The following AGBL4 variants were observed in gnomAD, a reference collection of about 807,000 sequenced individuals.
AGBL4 encodes AGBL carboxypeptidase 4, also known as cytosolic carboxypeptidase 6.
In AGBL4, 58 loss-of-function variants were observed where a neutral mutation model predicts 66.4. The observed-to-expected ratio is 0.87, with a 90% confidence interval of 0.71 to 1.09. The LOEUF is 1.09. Ranked by LOEUF, AGBL4 falls within the 50% of genes least tolerant of loss-of-function variation. AGBL4 has a pLI of 0.00. For synonymous variants in AGBL4, 234 were observed against 222.9 expected, an observed-to-expected ratio of 1.05 and a Z score of -0.44; for missense variants, 579 against 631.0, an observed-to-expected ratio of 0.92 and a Z score of 0.88.
At chr1:49,559,764 C>T (rs1278151739) in intron 3 of AGBL4, among the ~76,000 whole-genome samples, 1 of 152,264 alleles carries the variant, frequency 6.6e-6, no homozygotes, top group African/African-American at 2.4e-5. Context: ...GAAGGCTACA[C>T]TGTTGGCTTC....
intron 2 of AGBL4, chr1:49,844,930 G>A: frequency 7.3e-7 from 1 of 1,360,908 alleles, no homozygotes; most frequent in South Asian, 1.2e-5. Context: ...GAATGGGTTT[G>A]GGGAAAACAG....
chr1:48,631,431 C>A (rs2148410632), intron 9 of AGBL4, among the ~76,000 whole-genome samples: 1 of 152,322 alleles, frequency 6.6e-6, no homozygotes, highest in South Asian at 2.1e-4. Flanking sequence ...TGATCTGTCA[C>A]TCAGGCTGGA....
chr1:48,958,353 C>T (rs191042161), intron 5 of AGBL4, among the ~76,000 whole-genome samples: 1 of 152,332 alleles, frequency 6.6e-6, no homozygotes, highest in Admixed American at 6.5e-5. Context: ...CTTATTCTCT[C>T]TTCTGCCACC....
intron 6 of AGBL4, among the ~76,000 whole-genome samples, chr1:48,775,462 A>C: frequency 6.6e-6 from 1 of 152,210 alleles, no homozygotes; most frequent in East Asian, 1.9e-4. Context: ...TCAAAATTAC[A>C]AAACATCTTC....
intron 3 of AGBL4, among the ~76,000 whole-genome samples, chr1:49,330,337 A>T (rs1213690006): frequency 6.6e-6 from 1 of 152,188 alleles, no homozygotes; most frequent in African/African-American, 2.4e-5. Context: ...GAACTGCTTG[A>T]ACCTGGGAGG....
chr1:49,192,447 C>G (rs560592557), intron 4 of AGBL4, among the ~76,000 whole-genome samples: 1 of 152,098 alleles, frequency 6.6e-6, no homozygotes, highest in Non-Finnish European at 1.5e-5. Flanking sequence ...TATAGGCACA[C>G]GCCACCACAC....
At chr1:49,325,869 G>A (rs1000694205) in intron 3 of AGBL4, among the ~76,000 whole-genome samples, 8 of 152,112 alleles carry the variant, frequency 5.3e-5, no homozygotes, top group South Asian at 2.1e-4. Flanking sequence ...CATGTAGGAC[G>A]TCCCTTCTCT....
intron 3 of AGBL4, among the ~76,000 whole-genome samples, chr1:49,327,729 A>G (rs1335551102): frequency 1.3e-5 from 2 of 152,252 alleles, no homozygotes; most frequent in African/African-American, 4.8e-5. Context: ...CCTAAAGGCC[A>G]CATCTCTTAA....
chr1:48,801,335 C>G (rs183425663), intron 6 of AGBL4, among the ~76,000 whole-genome samples: 2 of 152,298 alleles, frequency 1.3e-5, no homozygotes, highest in East Asian at 3.9e-4. Flanking sequence ...GTATCTACAG[C>G]CATTCCCATT....
At position 49,948,442 on chromosome 1, in the gene AGBL4, T is replaced by C. The variant is rs190150503; in HGVS notation, c.34+75321A>G. Among the ~76,000 whole-genome samples the C allele has an allele frequency of 2.6e-5, 3 of 113,694 alleles. 1 individual carries two copies. Among genetic ancestry groups the C allele is most frequent in the African/African-American group, 1.0e-4 (3 of 28,686 alleles). The allele number at this position is 113,694 out of a possible 152,430, so 74.6% of individuals were successfully genotyped here. A position where few individuals can be genotyped will look rare whatever the true frequency, so the allele number is the denominator to read the frequency against. On this transcript the variant is annotated intron_variant, in intron 1 of 13. Coordinates refer to ENST00000371839, the MANE Select transcript of AGBL4 (RefSeq NM_032785.4). ...AAATATAGATAAATATATAAATATA[T>C]ATAAATATATAAATATAGATAAATA...
At chr1:49,179,015 T>C (rs747819923) in intron 4 of AGBL4, among the ~76,000 whole-genome samples, 9 of 152,148 alleles carry the variant, frequency 5.9e-5, no homozygotes, top group Non-Finnish European at 1.3e-4. Flanking sequence ...ATAAAGACTA[T>C]CCAGTCATCT....
At chr1:48,581,103 T>G (rs1338230467) in intron 11 of AGBL4, among the ~76,000 whole-genome samples, 1 of 152,192 alleles carries the variant, frequency 6.6e-6, no homozygotes, top group Non-Finnish European at 1.5e-5. Context: ...TCTTTACCTT[T>G]CTCCCTCCCC....
At chr1:49,009,941 T>C (rs1468577182) in intron 5 of AGBL4, among the ~76,000 whole-genome samples, 1 of 151,662 alleles carries the variant, frequency 6.6e-6, no homozygotes, top group Non-Finnish European at 1.5e-5. Context: ...GGGCAAAAAC[T>C]GGAAGCATTC....
intron 1 of AGBL4, among the ~76,000 whole-genome samples, chr1:49,858,791 A>G (rs1646495093): frequency 6.6e-6 from 1 of 152,128 alleles, no homozygotes; most frequent in Non-Finnish European, 1.5e-5. Context: ...CTGAGGCGGC[A>G]GATCACCTGA....
intron 5 of AGBL4, among the ~76,000 whole-genome samples, chr1:49,042,071 T>C (rs1438251595): frequency 6.6e-6 from 1 of 152,134 alleles, no homozygotes; most frequent in Non-Finnish European, 1.5e-5. Flanking sequence ...TTTTAAAGTA[T>C]CAGAGCTATT....
intron 3 of AGBL4, among the ~76,000 whole-genome samples, chr1:49,504,331 G>T (rs1648481918): frequency 6.6e-6 from 1 of 152,076 alleles, no homozygotes; most frequent in South Asian, 2.1e-4. Context: ...AGTCTCAGAG[G>T]TATTTCTCCA....
chr1:49,529,484 GC>G (rs1650926692), intron 3 of AGBL4, among the ~76,000 whole-genome samples: 1 of 151,972 alleles, frequency 6.6e-6, no homozygotes, highest in Non-Finnish European at 1.5e-5. Context: ...TTCAAGACAA[GC>G]CTGGCCAACA....
At chr1:49,739,161 C>T (rs893966851) in intron 2 of AGBL4, among the ~76,000 whole-genome samples, 6 of 151,998 alleles carry the variant, frequency 3.9e-5, no homozygotes, top group Non-Finnish European at 8.8e-5. Flanking sequence ...CCTTGAAAAA[C>T]GATGAGAAGA....
chr1:49,047,516 CCTT>C (rs750430987), intron 4 of AGBL4, among the ~76,000 whole-genome samples: 3 of 152,134 alleles, frequency 2.0e-5, no homozygotes, highest in Admixed American at 6.6e-5. Flanking sequence ...TATAGGCACT[CCTT>C]CTTCTAACTA....
Sources: allele counts gnomAD v4.1 joint callset (sites outside exome capture counted in the v4.1 genomes callset), GRCh38; gene constraint gnomAD v4.1.1; transcripts MANE v1.5; gene names NCBI Gene and HGNC (gene_info 2026-07-23, HGNC 2026-07-21).